The following SOX5 variants were observed in gnomAD, a reference collection of about 807,000 sequenced individuals.
The protein encoded by SOX5 is SRY-box transcription factor 5, also known as transcription factor SOX-5.
A neutral mutation model predicts 92.0 loss-of-function variants in SOX5; 9 were observed. The observed-to-expected ratio is 0.10, with a 90% CI of 0.06 to 0.17. SOX5 has a LOEUF of 0.17. Ranked by LOEUF, SOX5 falls within the 10% of genes least tolerant of loss-of-function variation. SOX5 has a pLI of 1.00. For missense variants in SOX5, 642 were observed against 944.5 expected, an observed-to-expected ratio of 0.68 and a Z score of 4.20; for synonymous variants, 344 against 336.3, an observed-to-expected ratio of 1.02 and a Z score of -0.25.
intron 4 of SOX5, among the ~76,000 whole-genome samples, chr12:23,970,023 C>A (rs1948044058): frequency 6.6e-6 from 1 of 152,168 alleles, no homozygotes; most frequent in South Asian, 2.1e-4. Context: ...GGGAACTCTG[C>A]CAAAATGAAG....
At chr12:24,045,131 AG>A (rs1396692009) in intron 4 of SOX5, among the ~76,000 whole-genome samples, 5 of 152,146 alleles carry the variant, frequency 3.3e-5, no homozygotes, top group African/African-American at 4.8e-5. Context: ...TAAGTAAGTA[AG>A]ATAGTGGACT....
At chr12:23,544,545 T>C (rs891158170) in intron 12 of SOX5, among the ~76,000 whole-genome samples, 1 of 152,186 alleles carries the variant, frequency 6.6e-6, no homozygotes, top group Non-Finnish European at 1.5e-5. Context: ...CAAACAAAAT[T>C]GCCCAAACTT....
chr12:24,282,001 A>G (rs1046706687), intron 2 of SOX5, among the ~76,000 whole-genome samples: 1 of 152,136 alleles, frequency 6.6e-6, no homozygotes, highest in Non-Finnish European at 1.5e-5. Flanking sequence ...CTGATGGTCA[A>G]TTTCAGAGAT....
intron 4 of SOX5, among the ~76,000 whole-genome samples, chr12:24,182,497 A>C (rs1319797858): frequency 1.3e-5 from 2 of 152,200 alleles, no homozygotes; most frequent in Non-Finnish European, 2.9e-5. Context: ...ATACTTAAGC[A>C]TATTAGTTAT....
At chr12:23,916,699 A>T (rs1019488694) in intron 1 of SOX5, among the ~76,000 whole-genome samples, 1 of 152,204 alleles carries the variant, frequency 6.6e-6, no homozygotes, top group Non-Finnish European at 1.5e-5. Context: ...TTTTATAATA[A>T]ATAATCAATG....
intron 1 of SOX5, among the ~76,000 whole-genome samples, chr12:24,386,403 A>T (rs925619198): frequency 1.3e-5 from 2 of 152,194 alleles, no homozygotes; most frequent in African/African-American, 2.4e-5. Context: ...CCTGTGTATT[A>T]TATGTATTAA....
intron 2 of SOX5, among the ~76,000 whole-genome samples, chr12:24,354,381 G>A (rs1039221306): frequency 6.6e-6 from 1 of 152,382 alleles, no homozygotes; most frequent in South Asian, 2.1e-4. Flanking sequence ...GAAGGTGGGG[G>A]AGAAGGATAA....
chr12:24,297,177 T>A (rs1158869666), intron 2 of SOX5, among the ~76,000 whole-genome samples: 1 of 152,210 alleles, frequency 6.6e-6, no homozygotes, highest in Non-Finnish European at 1.5e-5. Flanking sequence ...AAACTGTAGA[T>A]CCAACCTGTA....
chr12:23,905,510 T>C (rs2097283073), intron 1 of SOX5, among the ~76,000 whole-genome samples: 2 of 152,194 alleles, frequency 1.3e-5, no homozygotes, highest in African/African-American at 4.8e-5. Context: ...TGTCTTTCTG[T>C]TTCATTACAT....
chr12:24,051,942 C>T (rs1957598798), intron 4 of SOX5, among the ~76,000 whole-genome samples: 1 of 152,176 alleles, frequency 6.6e-6, no homozygotes, highest in African/African-American at 2.4e-5. Context: ...TTATCAATAT[C>T]CATTTAATTT....
At chr12:23,680,874 T>C (rs2086514638) in intron 6 of SOX5, among the ~76,000 whole-genome samples, 1 of 149,204 alleles carries the variant, frequency 6.7e-6, no homozygotes, top group Non-Finnish European at 1.5e-5. Flanking sequence ...GTAAACACTT[T>C]CAAGAATAAA....
intron 1 of SOX5, among the ~76,000 whole-genome samples, chr12:24,553,880 T>C (rs1053902122): frequency 2.6e-5 from 4 of 152,248 alleles, no homozygotes; most frequent in African/African-American, 7.2e-5. Context: ...GTTTGTTTCA[T>C]ATGCATGAAA....
rs545305538 is a variant in SOX5 at position 24,202,948 on chromosome 12, G to A, written c.-2+10395C>T. Among the ~76,000 whole-genome samples the A allele has an allele frequency of 2.0e-5, 3 of 152,232 alleles. No individual in the cohort carries two copies. In the East Asian group the frequency reaches 5.8e-4, roughly 29 times the overall value. Reference sequence around the variant, plus strand: ...TTGAGAGGAGATATGTTGATACTCTGTAAATATCCTATTTATCATTATATT... The same window carrying A: ...TTGAGAGGAGATATGTTGATACTCTATAAATATCCTATTTATCATTATATT... On this transcript the variant is annotated intron_variant, in intron 4 of 4. Coordinates refer to the SOX5 transcript ENST00000446891.
At chr12:24,269,688 C>CTTTTTTTTTTTTTTTTT (rs58098308) in intron 3 of SOX5, among the ~76,000 whole-genome samples, 1 of 116,758 alleles carries the variant, frequency 8.6e-6, no homozygotes, top group Non-Finnish European at 1.7e-5. Context: ...TATTTTTATT[C>CTTTTTTTTTTTTTTTTT]TTTTTTTTTT....
At chr12:24,225,000 G>A (rs1025063477) in intron 3 of SOX5, among the ~76,000 whole-genome samples, 9 of 152,042 alleles carry the variant, frequency 5.9e-5, no homozygotes, top group African/African-American at 1.7e-4. Context: ...TCAGACTGCC[G>A]CCCCTGGGTG....
intron 3 of SOX5, among the ~76,000 whole-genome samples, chr12:23,820,496 C>T (rs908435805): frequency 1.3e-5 from 2 of 152,158 alleles, no homozygotes; most frequent in Admixed American, 6.6e-5. Context: ...GAAATCTTTG[C>T]CCATGCCTAT....
intron 3 of SOX5, among the ~76,000 whole-genome samples, chr12:24,262,936 A>G (rs1942379987): frequency 6.6e-6 from 1 of 152,184 alleles, no homozygotes; most frequent in African/African-American, 2.4e-5. Context: ...TAAGGAAATT[A>G]CTGGGCTGCG....
intron 2 of SOX5, among the ~76,000 whole-genome samples, chr12:24,313,733 CTT>C (rs1949430975): frequency 6.6e-6 from 1 of 152,160 alleles, no homozygotes; most frequent in East Asian, 1.9e-4. Flanking sequence ...CATACGCTCT[CTT>C]TCTTTCCATT....
intron 6 of SOX5, among the ~76,000 whole-genome samples, chr12:23,697,090 G>A (rs1205346456): frequency 1.3e-5 from 2 of 152,080 alleles, no homozygotes; most frequent in African/African-American, 4.8e-5. Flanking sequence ...ATGTAAATAA[G>A]GTCAGAGTAA....
Sources: allele counts gnomAD v4.1 joint callset (sites outside exome capture counted in the v4.1 genomes callset), GRCh38; gene constraint gnomAD v4.1.1; transcripts MANE v1.5; gene names NCBI Gene and HGNC (gene_info 2026-07-23, HGNC 2026-07-21).